Variants in GALNTL6 observed in about 807,000 individuals in gnomAD.
GALNTL6 encodes the protein polypeptide N-acetylgalactosaminyltransferase-like 6.
Under a neutral mutation model 73.7 loss-of-function variants are expected in GALNTL6, and 46 were observed. The ratio of observed to expected loss-of-function variants is 0.62; its 90% CI spans 0.49 to 0.80. GALNTL6 has a LOEUF of 0.80. GALNTL6 is among the 30% of genes least tolerant of loss of function. GALNTL6 has a pLI of 0.00. For synonymous variants in GALNTL6, 259 were observed against 263.7 expected (o/e 0.98, Z 0.17); for missense variants, 604 against 755.0 (o/e 0.80, Z 2.34).
At chr4:172,288,883 C>T in intron 3 of GALNTL6, among the ~76,000 whole-genome samples, 1 of 152,066 alleles carries the variant, frequency 6.6e-6, no homozygotes, top group East Asian at 1.9e-4. Flanking sequence ...ATTACATTAG[C>T]AATAACTAAA....
intron 5 of GALNTL6, among the ~76,000 whole-genome samples, chr4:172,768,521 TGG>T (rs1738573795): frequency 6.6e-6 from 1 of 152,172 alleles, no homozygotes. Flanking sequence ...AAGAGGAGTG[TGG>T]GTATACTCAA....
At chr4:172,756,124 C>T (rs1043209623) in intron 5 of GALNTL6, among the ~76,000 whole-genome samples, 4 of 152,216 alleles carry the variant, frequency 2.6e-5, no homozygotes, top group East Asian at 1.9e-4. Context: ...GCAATGCAAG[C>T]GCTTCAGAAG....
At chr4:171,917,957 G>A (rs1402014562) in intron 2 of GALNTL6, among the ~76,000 whole-genome samples, 1 of 152,068 alleles carries the variant, frequency 6.6e-6, no homozygotes, top group Non-Finnish European at 1.5e-5. Context: ...TTCTATGATA[G>A]CTATTTTTTG....
intron 3 of GALNTL6, among the ~76,000 whole-genome samples, chr4:172,263,732 A>G (rs1681668431): frequency 6.6e-6 from 1 of 151,222 alleles, no homozygotes; most frequent in African/African-American, 2.4e-5. Context: ...ATAATTTTTT[A>G]TTTTCTTATT....
At chr4:172,696,816 G>T (rs1251308368) in intron 5 of GALNTL6, among the ~76,000 whole-genome samples, 1 of 151,810 alleles carries the variant, frequency 6.6e-6, no homozygotes, top group Non-Finnish European at 1.5e-5. Context: ...CAGATTAAGA[G>T]AAAAAAATCA....
intron 5 of GALNTL6, among the ~76,000 whole-genome samples, chr4:172,378,926 C>G: frequency 6.6e-6 from 1 of 152,012 alleles, no homozygotes; most frequent in Non-Finnish European, 1.5e-5. Flanking sequence ...ATATTCAACA[C>G]CAGAAGGAAT....
intron 5 of GALNTL6, among the ~76,000 whole-genome samples, chr4:172,707,143 C>T (rs1266665499): frequency 6.6e-6 from 1 of 152,128 alleles, no homozygotes; most frequent in Non-Finnish European, 1.5e-5. Context: ...AGTTTTATTC[C>T]TCTTACCTTC....
intron 2 of GALNTL6, among the ~76,000 whole-genome samples, chr4:171,898,580 G>A (rs955426094): frequency 1.3e-5 from 2 of 152,026 alleles, no homozygotes; most frequent in African/African-American, 2.4e-5. Context: ...ATCAACCTAT[G>A]TAAGGAAGCC....
intron 7 of GALNTL6, among the ~76,000 whole-genome samples, chr4:172,870,696 T>C (rs1014655507): frequency 6.6e-6 from 1 of 152,194 alleles, no homozygotes; most frequent in South Asian, 2.1e-4. Flanking sequence ...GATTTGGAGA[T>C]AGTTGAACAG....
chr4:172,358,254 C>G lies in GALNTL6; in HGVS notation c.553+9565C>G, dbSNP rs184444829. On this transcript the variant is annotated intron_variant, in intron 5 of 12. Transcript: ENST00000506823. ...GGATATGAAGCTGGATTACAGAAAC[C>G]AGGTATGATTTCACTATTAAGAAAA... Among the ~76,000 whole-genome samples, 149 of 152,256 alleles carry G rather than the reference C, an allele frequency of 9.8e-4. 1 individual carries two copies. The South Asian group carries it at 0.016, about 17-fold the overall frequency.
intron 2 of GALNTL6, among the ~76,000 whole-genome samples, chr4:171,971,650 T>A (rs1178635403): frequency 6.6e-6 from 1 of 152,204 alleles, no homozygotes; most frequent in Non-Finnish European, 1.5e-5. Context: ...AAAATTGAGT[T>A]GATTTGTAGG....
chr4:173,025,171 T>C (rs1473498232), intron 12 of GALNTL6, among the ~76,000 whole-genome samples: 1 of 152,214 alleles, frequency 6.6e-6, no homozygotes, highest in Admixed American at 6.5e-5. Context: ...TATTCTATGA[T>C]GCTGGGGCTA....
chr4:172,199,362 T>C (rs1318700918), intron 2 of GALNTL6, among the ~76,000 whole-genome samples: 1 of 152,234 alleles, frequency 6.6e-6, no homozygotes, highest in Non-Finnish European at 1.5e-5. Context: ...TTATTATTCC[T>C]CGTGCTTAGA....
At position 172,994,559 on chromosome 4, in the gene GALNTL6, A is replaced by G. The variant is rs565122163; in HGVS notation, c.1372-14619A>G. ...GTTACATTACAGTTTCATATGCCAAATGAAATTTGACATTTTCACCTTTGT... is the reference window on the plus strand; with the variant it reads ...GTTACATTACAGTTTCATATGCCAAGTGAAATTTGACATTTTCACCTTTGT... On this transcript the variant is annotated intron_variant, in intron 10 of 12. Transcript: ENST00000506823. Among the ~76,000 whole-genome samples, 23 of 152,330 alleles carry G rather than the reference A, an allele frequency of 1.5e-4. No individual in the cohort carries two copies. In the South Asian group the frequency reaches 4.6e-3, roughly 30 times the overall value.
At chr4:172,997,026 A>T (rs1751826958) in intron 10 of GALNTL6, among the ~76,000 whole-genome samples, 1 of 152,034 alleles carries the variant, frequency 6.6e-6, no homozygotes, top group South Asian at 2.1e-4. Flanking sequence ...CTTCATTGTC[A>T]TGTCTCCATC....
At chr4:171,963,347 T>C (rs1418006821) in intron 2 of GALNTL6, among the ~76,000 whole-genome samples, 3 of 152,150 alleles carry the variant, frequency 2.0e-5, no homozygotes, top group Non-Finnish European at 2.9e-5. Context: ...CATATATTTA[T>C]AGAAGGATTA....
intron 2 of GALNTL6, among the ~76,000 whole-genome samples, chr4:171,981,639 T>G (rs1406160053): frequency 6.6e-6 from 1 of 152,228 alleles, no homozygotes; most frequent in Non-Finnish European, 1.5e-5. Flanking sequence ...TTAAATGAAA[T>G]TCCTAAATTA....
At chr4:172,520,066 C>T (rs974399456) in intron 5 of GALNTL6, among the ~76,000 whole-genome samples, 3 of 151,774 alleles carry the variant, frequency 2.0e-5, no homozygotes, top group Admixed American at 6.6e-5. Flanking sequence ...AGTAATATGT[C>T]GTACATGTAT....
intron 5 of GALNTL6, among the ~76,000 whole-genome samples, chr4:172,693,140 C>T (rs116286241): frequency 6.6e-6 from 1 of 152,264 alleles, no homozygotes; most frequent in African/African-American, 2.4e-5. Flanking sequence ...TATATGACCT[C>T]AAATTCCTCC....
Sources: gnomAD v4.1 joint callset for allele counts (sites outside exome capture counted in the v4.1 genomes callset) on GRCh38, gnomAD v4.1.1 for gene constraint, MANE v1.5 for transcripts, NCBI Gene and HGNC (gene_info 2026-07-23, HGNC 2026-07-21) for gene names.